LRRK1: variants seen among roughly 807,000 people sequenced by gnomAD.
LRRK1 encodes leucine-rich repeat serine/threonine-protein kinase 1.
Under a neutral mutation model 209.1 loss-of-function variants are expected in LRRK1, and 113 were observed. The ratio of observed to expected loss-of-function variants is 0.54; its 90% CI spans 0.46 to 0.63. The LOEUF (loss-of-function observed/expected upper bound fraction) is 0.63, where lower values mean the gene tolerates loss of function less well. Among genes scored for constraint, LRRK1 ranks in the 30% least tolerant of loss-of-function variants. The probability of loss-of-function intolerance (pLI) is 0.00; values close to 1 mark genes in which losing one functional copy is unlikely to be tolerated. For synonymous variants in LRRK1, 1,144 were observed against 1,099.7 expected (o/e 1.04, Z -0.80); for missense variants, 2,284 against 2,632.2 (o/e 0.87, Z 2.89).
chr15:100,967,725 C>G (rs2030558415), intron 2 of LRRK1, among the ~76,000 whole-genome samples: 1 of 152,188 alleles, frequency 6.6e-6, no homozygotes, highest in Non-Finnish European at 1.5e-5. Context: ...CATATACCTA[C>G]CACTCAGATC....
chr15:100,977,214 C>T (rs1181928705), intron 3 of LRRK1, among the ~76,000 whole-genome samples: 1 of 147,254 alleles, frequency 6.8e-6, no homozygotes, highest in Non-Finnish European at 1.5e-5. Flanking sequence ...CCAAGGAAAG[C>T]CTGCTCTCTC....
intron 6 of LRRK1, among the ~76,000 whole-genome samples, chr15:100,997,075 T>TTA (rs2032453009): frequency 1.4e-5 from 2 of 148,074 alleles, no homozygotes; most frequent in East Asian, 2.0e-4. Flanking sequence ...TGATTATTAA[T>TTA]ATAATCATAT....
At chr15:101,008,810 G>A (rs374149701) in intron 6 of LRRK1, 27 bp from the exon 7 acceptor site, 4 of 1,561,268 alleles carry the variant, frequency 2.6e-6, no homozygotes, top group East Asian at 2.2e-5. Flanking sequence ...CCCTCCACAT[G>A]TGCTTTTCCT....
At chr15:100,997,690 G>C (rs1416054658) in intron 6 of LRRK1, among the ~76,000 whole-genome samples, 1 of 152,196 alleles carries the variant, frequency 6.6e-6, no homozygotes, top group Non-Finnish European at 1.5e-5. Context: ...ACTGTGAATT[G>C]GTTCCATATG....
intron 29 of LRRK1, among the ~76,000 whole-genome samples, chr15:101,060,576 A>G (rs891040760): frequency 6.6e-6 from 1 of 152,248 alleles, no homozygotes; most frequent in Non-Finnish European, 1.5e-5. Context: ...TCTGAGGGAC[A>G]GAGCTGCGTG....
chr15:101,055,119 T>C lies in LRRK1; in HGVS notation c.4228T>C (p.Tyr1410His). ...KEHINIKLSD[Y>H]GISRQSFHEG... is the part of the protein sequence containing the mutation. ...GCACATCAACATCAAGCTATCTGAC[T>C]ACGGGATTTCGAGGCAGTCATTCCA... Residue 1410 changes from tyrosine to histidine, a missense_variant, in exon 27 of 34, where the codon TAC (tyrosine) becomes CAC (histidine). Transcript: ENST00000388948. The C allele has an allele frequency of 6.2e-7, 1 of 1,613,904 alleles. No individual in the cohort carries two copies. The highest frequency in any genetic ancestry group is 1.1e-5 in the South Asian group (1 of 91,010).
intron 7 of LRRK1, among the ~76,000 whole-genome samples, chr15:101,009,354 C>A (rs1207186103): frequency 6.6e-6 from 1 of 152,212 alleles, no homozygotes; most frequent in Non-Finnish European, 1.5e-5. Flanking sequence ...GCAGCCAAAC[C>A]TTCCCACACT....
intron 2 of LRRK1, among the ~76,000 whole-genome samples, chr15:100,956,455 C>CTTTTTCTTTTTT: frequency 7.1e-4 from 43 of 60,498 alleles, no homozygotes; most frequent in East Asian, 9.4e-4. Context: ...TTTTTTTTTT[C>CTTTTTCTTTTTT]TTTTTTTTTT....
At chr15:101,041,394 A>G (rs1467459223) in intron 20 of LRRK1, among the ~76,000 whole-genome samples, 2 of 152,006 alleles carry the variant, frequency 1.3e-5, no homozygotes, top group East Asian at 3.9e-4. Context: ...TAAGCCTACT[A>G]TTTCTCTATT....
chr15:101,010,565 G>T lies in LRRK1; in HGVS notation c.1105G>T (p.Glu369Ter), dbSNP rs372847198. 6.2e-7 allele frequency: 1 copy of T among 1,611,538 alleles called. No individual in the cohort carries two copies. Among genetic ancestry groups the T allele is most frequent in the Non-Finnish European group, 8.5e-7 (1 of 1,179,498 alleles). The change falls in exon 8 of 34, where the codon GAA (glutamate) becomes TAA (stop). Residue 369 changes from glutamate (E) to a stop codon, truncating the protein, a stop_gained. Transcript: ENST00000388948. LOFTEE classifies it high-confidence loss of function. ...AAAAAATTGTTTAGAAAAATTGTTC[G>T]AAGAAGAAAATGGTATGTTTTCTCA... The part of the protein sequence containing the change: ...ASKNCLEKLF[E>*]EENATNWIGL...
At position 101,068,995 on chromosome 15, in the gene LRRK1, G is replaced by A. The variant is rs1457537289; in HGVS notation, c.*147G>A. 2 of 761,226 alleles carry A rather than the reference G, an allele frequency of 2.6e-6. No individual in the cohort carries two copies. Among genetic ancestry groups the A allele is most frequent in the East Asian group, 3.0e-5 (1 of 32,966 alleles). 47.2% of individuals were successfully genotyped at this position (761,226 alleles called of 1,614,324 possible). On this transcript the variant is annotated 3_prime_UTR_variant, in exon 34 of 34. Coordinates refer to ENST00000388948, the MANE Select transcript of LRRK1 (RefSeq NM_024652.6). ...CCTTGCTGCTAAGAAGTGCTGAGAA[G>A]TTACTCGCCTGGCGGTGGCTCCAGG...
At chr15:100,942,346 C>T (rs1430954139) in intron 2 of LRRK1, among the ~76,000 whole-genome samples, 1 of 152,184 alleles carries the variant, frequency 6.6e-6, no homozygotes, top group Non-Finnish European at 1.5e-5. Flanking sequence ...AAAAAAATGG[C>T]CTGTTCTTTT....
At chr15:101,068,036 G>C (rs1047952416) in intron 33 of LRRK1, among the ~76,000 whole-genome samples, 4 of 152,168 alleles carry the variant, frequency 2.6e-5, no homozygotes, top group Non-Finnish European at 5.9e-5. Flanking sequence ...CCGCACACAC[G>C]GGACACAGAG....
In LRRK1 at chr15:101,024,657, G is replaced by A. The variant is rs2033940447; in HGVS notation, c.2068-146G>A. ...CCTCGCCCAGATAACTGTTTCCTAA[G>A]AAACAATAGAGTGTCCAGAACTTTT... On this transcript the variant is annotated intron_variant, in intron 15 of 33. Transcript: ENST00000388948. The surrounding 1 kb of genome is among the most constrained non-coding windows in gnomAD (Gnocchi z 4.6). 4 of 859,302 alleles carry A rather than the reference G, an allele frequency of 4.7e-6. No homozygotes were observed. The highest frequency in any genetic ancestry group is 7.1e-6 in the Non-Finnish European group (4 of 560,668). The allele number at this position is 859,302 out of a possible 1,614,324, so 53.2% of individuals were successfully genotyped here.
chr15:101,003,668 G>T (rs2032808198), intron 6 of LRRK1, among the ~76,000 whole-genome samples: 2 of 152,240 alleles, frequency 1.3e-5, no homozygotes, highest in Middle Eastern at 6.8e-3. Context: ...CAGTATGGGG[G>T]AAACCGCCCC....
At chr15:100,952,578 ACCATTGATTAGC>A (rs940631579) in intron 2 of LRRK1, among the ~76,000 whole-genome samples, 1 of 152,178 alleles carries the variant, frequency 6.6e-6, no homozygotes, top group Admixed American at 6.5e-5. Context: ...TTGGACAAAC[ACCATTGATTAGC>A]CCACTCTTCT....
intron 19 of LRRK1, 149 bp from the exon 20 acceptor site, chr15:101,028,807 A>G (rs1443888062): frequency 3.4e-6 from 3 of 875,856 alleles, no homozygotes; most frequent in African/African-American, 1.7e-5. Context: ...TCAGGCTGCC[A>G]GCCCACCTGA....
intron 2 of LRRK1, among the ~76,000 whole-genome samples, chr15:100,966,697 C>G (rs1266851884): frequency 6.6e-6 from 1 of 152,190 alleles, no homozygotes; most frequent in Admixed American, 6.5e-5. Context: ...CCCACAGGGT[C>G]GGTGAGAGTG....
chr15:101,062,246 G>T, intron 30 of LRRK1: 1 of 246,194 alleles, frequency 4.1e-6, no homozygotes, highest in Non-Finnish European at 7.9e-6. Flanking sequence ...ACAGCATTGC[G>T]GCGTGAGTCC....
Sources: allele counts gnomAD v4.1 joint callset (sites outside exome capture counted in the v4.1 genomes callset), GRCh38; gene constraint gnomAD v4.1.1; non-coding constraint Gnocchi (gnomAD v3.1); transcripts MANE v1.5; gene names NCBI Gene and HGNC (gene_info 2026-07-23, HGNC 2026-07-21).